The following GRIK3 variants were observed in gnomAD, a reference collection of about 807,000 sequenced individuals.
The protein encoded by GRIK3 is glutamate receptor ionotropic, kainate 3.
A neutral mutation model predicts 102.5 loss-of-function variants in GRIK3; 29 were observed. The observed-to-expected ratio is 0.28, with a 90% CI of 0.21 to 0.39. The LOEUF is 0.39. GRIK3 is among the 10% of genes least tolerant of loss of function. The pLI, the probability that GRIK3 is intolerant of heterozygous loss-of-function variation, is 1.00. For synonymous variants in GRIK3, 511 were observed against 504.9 expected (o/e 1.01, Z -0.16); for missense variants, 908 against 1,252.4 (o/e 0.73, Z 4.15).
chr1:37,008,882 A>G (rs1570862454), intron 1 of GRIK3, among the ~76,000 whole-genome samples: 1 of 152,208 alleles, frequency 6.6e-6, no homozygotes, highest in Admixed American at 6.5e-5. Flanking sequence ...CAACAATGGA[A>G]TAATTCCAGC....
intron 1 of GRIK3, among the ~76,000 whole-genome samples, chr1:37,031,743 C>T (rs1642830287): frequency 1.3e-5 from 2 of 152,234 alleles, no homozygotes; most frequent in South Asian, 4.1e-4. Flanking sequence ...GCACTGGGCC[C>T]AGCCAAGGTG....
intron 1 of GRIK3, among the ~76,000 whole-genome samples, chr1:36,932,516 G>T (rs1349514360): frequency 1.3e-5 from 2 of 152,108 alleles, no homozygotes; most frequent in Non-Finnish European, 2.9e-5. Flanking sequence ...TTCCCCTTCC[G>T]GGTTCAGAAG....
chr1:36,980,608 A>C (rs531064396), intron 1 of GRIK3, among the ~76,000 whole-genome samples: 1 of 151,898 alleles, frequency 6.6e-6, no homozygotes, highest in East Asian at 1.9e-4. Flanking sequence ...ACTAACAGGC[A>C]CCTGGGATGC....
chr1:36,999,162 A>G (rs1392431951), intron 1 of GRIK3, among the ~76,000 whole-genome samples: 4 of 151,908 alleles, frequency 2.6e-5, no homozygotes, highest in African/African-American at 9.7e-5. Context: ...CATAAAGTAG[A>G]GGGTGGGGTG....
chr1:36,921,946 C>T (rs1008768853), intron 1 of GRIK3, among the ~76,000 whole-genome samples: 2 of 152,134 alleles, frequency 1.3e-5, no homozygotes, highest in Non-Finnish European at 2.9e-5. Flanking sequence ...GGAGTGAGCT[C>T]TCAATGTTCT....
At chr1:36,875,514 C>A (rs909643424) in intron 3 of GRIK3, among the ~76,000 whole-genome samples, 1 of 152,258 alleles carries the variant, frequency 6.6e-6, no homozygotes, top group South Asian at 2.1e-4. Context: ...TTGGCAGGTA[C>A]CATGCAGGCA....
intron 3 of GRIK3, among the ~76,000 whole-genome samples, chr1:36,873,170 C>A (rs1282828544): frequency 1.3e-5 from 2 of 152,218 alleles, no homozygotes; most frequent in Non-Finnish European, 2.9e-5. Flanking sequence ...ATATCTGGGG[C>A]TGGGTTCCCA....
At chr1:36,985,105 G>A (rs948872789) in intron 1 of GRIK3, among the ~76,000 whole-genome samples, 3 of 152,236 alleles carry the variant, frequency 2.0e-5, no homozygotes, top group Non-Finnish European at 2.9e-5. Flanking sequence ...CCAGGCATGC[G>A]GGCAAGGGCT....
intron 1 of GRIK3, among the ~76,000 whole-genome samples, chr1:37,023,700 C>T (rs927938150): frequency 2.6e-5 from 4 of 152,136 alleles, no homozygotes; most frequent in African/African-American, 7.2e-5. Context: ...AGGAAGCATG[C>T]GAGACATCAG....
chr1:37,000,438 G>A (rs1006755827), intron 1 of GRIK3, among the ~76,000 whole-genome samples: 1 of 152,142 alleles, frequency 6.6e-6, no homozygotes, highest in Admixed American at 6.5e-5. Flanking sequence ...GACAGAGGGG[G>A]AAAATGAAGT....
At chr1:36,894,016 T>G (rs1432241793) in intron 1 of GRIK3, among the ~76,000 whole-genome samples, 1 of 152,226 alleles carries the variant, frequency 6.6e-6, no homozygotes, top group African/African-American at 2.4e-5. Context: ...GATAATTGAT[T>G]TTGTTGAGGT....
intron 5 of GRIK3, among the ~76,000 whole-genome samples, chr1:36,868,085 C>T (rs1249160638): frequency 6.6e-6 from 1 of 152,088 alleles, no homozygotes; most frequent in Non-Finnish European, 1.5e-5. Flanking sequence ...GTCCCCGGGT[C>T]CAGGAGTTGC....
chr1:36,902,317 T>C (rs933037811), intron 1 of GRIK3, among the ~76,000 whole-genome samples: 11 of 152,168 alleles, frequency 7.2e-5, no homozygotes, highest in African/African-American at 2.7e-4. Context: ...TCAACACGGC[T>C]CAACTTCAAG....
chr1:36,805,262 G>A, intron 14 of GRIK3, 25 bp from the exon 15 acceptor site: 3 of 1,582,658 alleles, frequency 1.9e-6, no homozygotes, highest in Non-Finnish European at 2.6e-6. Flanking sequence ...GGGACCCCTA[G>A]CCATCAGTGG....
chr1:36,878,242 C>T (rs1640930509), intron 3 of GRIK3, among the ~76,000 whole-genome samples: 1 of 152,232 alleles, frequency 6.6e-6, no homozygotes. Flanking sequence ...CTCCACAATG[C>T]AGCAGAAACA....
intron 1 of GRIK3, among the ~76,000 whole-genome samples, chr1:36,901,616 T>A (rs1376285153): frequency 6.6e-6 from 1 of 152,180 alleles, no homozygotes; most frequent in Non-Finnish European, 1.5e-5. Flanking sequence ...GTTGACATCA[T>A]ACATAATAGT....
intron 5 of GRIK3, among the ~76,000 whole-genome samples, chr1:36,867,530 T>A (rs1387649044): frequency 1.3e-5 from 2 of 152,140 alleles, no homozygotes; most frequent in African/African-American, 4.8e-5. Flanking sequence ...CGACGACTAC[T>A]TCTTGGCCAA....
At chr1:36,931,366 C>T (rs1035391410) in intron 1 of GRIK3, among the ~76,000 whole-genome samples, 6 of 152,206 alleles carry the variant, frequency 3.9e-5, no homozygotes, top group African/African-American at 1.2e-4. Context: ...CAGCCTAAAC[C>T]CTGCCTCCTC....
Position 36,806,042 on chromosome 1 carries a change from C to G in GRIK3, c.2314+62G>C. The G allele has an allele frequency of 9.1e-7, 1 of 1,101,382 alleles. No homozygotes were observed. The highest frequency in any genetic ancestry group is 1.4e-6 in the Non-Finnish European group (1 of 731,820). 68.2% of individuals were successfully genotyped at this position (1,101,382 alleles called of 1,614,324 possible). On this transcript the variant is annotated intron_variant, in intron 14 of 15. Coordinates refer to ENST00000373091, the MANE Select transcript of GRIK3 (RefSeq NM_000831.4). The surrounding 1 kb of genome is among the most constrained non-coding windows in gnomAD (Gnocchi z 4.0). ...CTGTGAGACGGAGTGTGAGGGGACG[C>G]GGGGGTGGAGCCCTCCCTCTGCCCA...
Sources: allele counts gnomAD v4.1 joint callset (sites outside exome capture counted in the v4.1 genomes callset), GRCh38; gene constraint gnomAD v4.1.1; non-coding constraint Gnocchi (gnomAD v3.1); transcripts MANE v1.5; gene names NCBI Gene and HGNC (gene_info 2026-07-23, HGNC 2026-07-21).